ADAMTS2: variants seen among roughly 807,000 people sequenced by gnomAD.
The protein encoded by ADAMTS2 is ADAM metallopeptidase with thrombospondin type 1 motif 2.
In ADAMTS2, 50 loss-of-function variants were observed where a neutral mutation model predicts 123.0. The ratio of observed to expected loss-of-function variants is 0.41; its 90% CI spans 0.32 to 0.51. The LOEUF (loss-of-function observed/expected upper bound fraction) is 0.51, where lower values mean the gene tolerates loss of function less well. Ranked by LOEUF, ADAMTS2 falls within the 20% of genes least tolerant of loss-of-function variation. The probability of loss-of-function intolerance (pLI) is 0.35; values close to 1 mark genes in which losing one functional copy is unlikely to be tolerated. For synonymous variants in ADAMTS2, 678 were observed against 695.4 expected (o/e 0.98, Z 0.39); for missense variants, 1,494 against 1,705.2 (o/e 0.88, Z 2.18).
chr5:179,280,757 G>A (rs1766875086), intron 2 of ADAMTS2, among the ~76,000 whole-genome samples: 1 of 152,156 alleles, frequency 6.6e-6, no homozygotes, highest in South Asian at 2.1e-4. Flanking sequence ...CAGAGAGCTG[G>A]TAAAGATCTG....
In ADAMTS2 at chr5:179,118,054, T is replaced by C. The variant is rs1404760753; in HGVS notation, c.3178+3607A>G. Among the ~76,000 whole-genome samples the C allele has an allele frequency of 6.6e-6, 1 of 151,930 alleles. No homozygotes were observed. The highest frequency in any genetic ancestry group is 1.5e-5 in the Non-Finnish European group (1 of 67,980). On this transcript the variant is annotated intron_variant, in intron 21 of 21. Coordinates refer to ENST00000251582, the MANE Select transcript of ADAMTS2 (RefSeq NM_014244.5). The surrounding 1 kb of genome is among the most constrained non-coding windows in gnomAD (Gnocchi z 4.5). The stretch of plus-strand genomic sequence containing the variant: ...TGAGGGGTGGCAGCCCCAGGTGGGG[T>C]CCCCCTTCCACCTGGTCTACATACT...
intron 3 of ADAMTS2, among the ~76,000 whole-genome samples, chr5:179,253,193 G>A (rs547600822): frequency 4.3e-4 from 65 of 152,316 alleles, no homozygotes; most frequent in African/African-American, 1.5e-3. Context: ...TCGTTTGTCA[G>A]ATATGACAGC....
At chr5:179,193,879 G>T (rs952120120) in intron 4 of ADAMTS2, among the ~76,000 whole-genome samples, 2 of 152,140 alleles carry the variant, frequency 1.3e-5, no homozygotes, top group African/African-American at 2.4e-5. Flanking sequence ...CTCAGCTCCA[G>T]GGGCAGCCTG....
intron 2 of ADAMTS2, among the ~76,000 whole-genome samples, chr5:179,319,687 C>G (rs1757102626): frequency 6.6e-6 from 1 of 152,006 alleles, no homozygotes; most frequent in Non-Finnish European, 1.5e-5. Context: ...CCCAGCCCTC[C>G]CCATCCACAC....
intron 3 of ADAMTS2, among the ~76,000 whole-genome samples, chr5:179,268,799 C>T (rs1009371763): frequency 6.6e-6 from 1 of 152,186 alleles, no homozygotes; most frequent in East Asian, 1.9e-4. Flanking sequence ...GTGAAGCCTA[C>T]AGTGCTGCTC....
intron 17 of ADAMTS2, among the ~76,000 whole-genome samples, 156 bp from the exon 18 acceptor site, chr5:179,126,286 G>A (rs565301401): frequency 6.6e-6 from 1 of 152,204 alleles, no homozygotes; most frequent in Admixed American, 6.5e-5. Flanking sequence ...GCGGCTGGCT[G>A]GGGGGAGGCC....
rs1392162503 is a variant in ADAMTS2, at chr5:179,272,594, T to G, written c.688+317A>C. On this transcript the variant is annotated intron_variant, in intron 3 of 21. Transcript: ENST00000251582. This position sits in a 1 kb window ranked among gnomAD's most constrained non-coding sequence, Gnocchi z 5.8. ...GGCCCCCGCCCCGCTCCACGACACTTGCTTGCCTTTAGGCAACAGAAGATG... is the reference window on the plus strand; with the variant it reads ...GGCCCCCGCCCCGCTCCACGACACTGGCTTGCCTTTAGGCAACAGAAGATG... 6.6e-6 allele frequency among the ~76,000 whole-genome samples: 1 copy of G among 152,118 alleles called. No individual in the cohort carries two copies. The highest frequency in any genetic ancestry group is 1.5e-5 in the Non-Finnish European group (1 of 68,004).
chr5:179,205,962 G>A lies in ADAMTS2; in HGVS notation c.891+1551C>T, dbSNP rs548195189. On this transcript the variant is annotated intron_variant, in intron 4 of 21. Transcript: ENST00000251582. ...AATTTTTTGTATTTTTAGTAGAGAC[G>A]GGGTTTCACCGTGGTCTCGATCTCC... Among the ~76,000 whole-genome samples, 85 of 151,910 alleles carry A rather than the reference G, an allele frequency of 5.6e-4. 1 individual carries two copies. In the East Asian group the frequency reaches 0.016, roughly 28 times the overall value.
intron 2 of ADAMTS2, among the ~76,000 whole-genome samples, chr5:179,274,507 G>C (rs541776247): frequency 6.6e-6 from 1 of 151,944 alleles, no homozygotes; most frequent in Non-Finnish European, 1.5e-5. Flanking sequence ...GGCAGCCCCC[G>C]GCACCTGCCA....
At chr5:179,186,873 G>A (rs917129477) in intron 4 of ADAMTS2, among the ~76,000 whole-genome samples, 20 of 113,910 alleles carry the variant, frequency 1.8e-4, no homozygotes, top group East Asian at 1.2e-3. Flanking sequence ...TCTTCACTAC[G>A]ATCACCAAGC....
Position 179,128,323 on chromosome 5 carries a change from G to C in ADAMTS2, c.2458-205C>G, listed in dbSNP as rs150893572. Reference sequence around the variant, plus strand: ...CAGGGTGAGGTTCCTGTGAGCCTCTGTCTCAACATTTTTGTTACCCGATCA... The same window carrying C: ...CAGGGTGAGGTTCCTGTGAGCCTCTCTCTCAACATTTTTGTTACCCGATCA... On this transcript the variant is annotated intron_variant, in intron 16 of 21. Coordinates refer to ENST00000251582, the MANE Select transcript of ADAMTS2 (RefSeq NM_014244.5). This position sits in a 1 kb window ranked among gnomAD's most constrained non-coding sequence, Gnocchi z 4.9. Among the ~76,000 whole-genome samples, 1 of 150,908 alleles carries C rather than the reference G, an allele frequency of 6.6e-6. No homozygotes were observed. The highest frequency in any genetic ancestry group is 1.5e-5 in the Non-Finnish European group (1 of 68,024).
Position 179,138,226 on chromosome 5 carries a change from G to A in ADAMTS2, c.1776-282C>T, listed in dbSNP as rs560093657. ...GGAGGCAGCATCTGCTCACAGCCCT[G>A]GTGCCACCTCCTCCCCAGCACTGAT... On this transcript the variant is annotated intron_variant, in intron 11 of 21. Transcript: ENST00000251582. Among the ~76,000 whole-genome samples, 8 of 152,286 alleles carry A rather than the reference G, an allele frequency of 5.3e-5. No homozygotes were observed. In the East Asian group the frequency reaches 1.5e-3, roughly 29 times the overall value.
chr5:179,327,642 T>A (rs1021340317), intron 2 of ADAMTS2, among the ~76,000 whole-genome samples: 1 of 152,140 alleles, frequency 6.6e-6, no homozygotes, highest in Non-Finnish European at 1.5e-5. Flanking sequence ...AGGAAAGCCG[T>A]GCCACCGTGG....
At chr5:179,311,342 A>G (rs1756827699) in intron 2 of ADAMTS2, among the ~76,000 whole-genome samples, 1 of 152,158 alleles carries the variant, frequency 6.6e-6, no homozygotes, top group African/African-American at 2.4e-5. Context: ...GCCCATGGGC[A>G]GGCGCCGCCT....
rs112193554 is a variant in ADAMTS2, at chr5:179,162,375, C to T, written c.976-3496G>A. Reference sequence around the variant, plus strand: ...AAGGTGTGAGGTGGGGGGCCTGCAGCGGCTGGAGCCCCCCTGCACTACAGG... The same window carrying T: ...AAGGTGTGAGGTGGGGGGCCTGCAGTGGCTGGAGCCCCCCTGCACTACAGG... On this transcript the variant is annotated intron_variant, in intron 5 of 21. Coordinates refer to ENST00000251582, the MANE Select transcript of ADAMTS2 (RefSeq NM_014244.5). The surrounding 1 kb of genome is among the most constrained non-coding windows in gnomAD (Gnocchi z 5.1). Among the ~76,000 whole-genome samples, 47 of 152,242 alleles carry T rather than the reference C, an allele frequency of 3.1e-4. No homozygotes were observed. Among genetic ancestry groups the T allele is most frequent in the East Asian group, 7.8e-4 (4 of 5,160 alleles).
intron 2 of ADAMTS2, among the ~76,000 whole-genome samples, chr5:179,310,315 A>T (rs1756794334): frequency 6.6e-6 from 1 of 152,252 alleles, no homozygotes; most frequent in Non-Finnish European, 1.5e-5. Context: ...AGAAAGACAG[A>T]GAACTGGTCT....
In ADAMTS2 at chr5:179,222,212, T is replaced by G. The variant is rs150207747; in HGVS notation, c.689-14497A>C. Among the ~76,000 whole-genome samples, 359 of 152,266 alleles carry G rather than the reference T, an allele frequency of 2.4e-3. 1 individual carries two copies. Among genetic ancestry groups the G allele is most frequent in the African/African-American group, 8.3e-3 (344 of 41,552 alleles). ...CCATGATGCTTCCTGCCCTAGAATA[T>G]CCCAGCTGCAGTTGAGGAGGGAAGG... On this transcript the variant is annotated intron_variant, in intron 3 of 21. Transcript: ENST00000251582.
At chr5:179,294,304 C>T (rs896350554) in intron 2 of ADAMTS2, among the ~76,000 whole-genome samples, 9 of 152,196 alleles carry the variant, frequency 5.9e-5, no homozygotes, top group South Asian at 2.1e-4. Flanking sequence ...GATGAAGGCA[C>T]GCAGCCTACA....
chr5:179,239,093 G>A (rs1765600332), intron 3 of ADAMTS2, among the ~76,000 whole-genome samples: 1 of 152,138 alleles, frequency 6.6e-6, no homozygotes, highest in South Asian at 2.1e-4. Flanking sequence ...TGTATAGTAT[G>A]TGAATTATAT....
Sources: allele counts gnomAD v4.1 joint callset (sites outside exome capture counted in the v4.1 genomes callset), GRCh38; gene constraint gnomAD v4.1.1; non-coding constraint Gnocchi (gnomAD v3.1); transcripts MANE v1.5; gene names NCBI Gene and HGNC (gene_info 2026-07-23, HGNC 2026-07-21).